Variants in NFIB observed in about 807,000 individuals in gnomAD.
The protein encoded by NFIB is nuclear factor 1 B-type.
Under a neutral mutation model 61.5 loss-of-function variants are expected in NFIB, and 11 were observed. That is an observed-to-expected ratio of 0.18 (90% CI 0.11 to 0.30). NFIB has a LOEUF of 0.30. Among genes scored for constraint, NFIB ranks in the 10% least tolerant of loss-of-function variants. The pLI, the probability that NFIB is intolerant of heterozygous loss-of-function variation, is 1.00. For missense variants in NFIB, 471 were observed against 608.9 expected (o/e 0.77, Z 2.38); for synonymous variants, 260 against 216.5 (o/e 1.20, Z -1.76).
At chr9:14,207,415 T>A (rs2049854767) in intron 2 of NFIB, among the ~76,000 whole-genome samples, 1 of 152,230 alleles carries the variant, frequency 6.6e-6, no homozygotes, top group Non-Finnish European at 1.5e-5. Flanking sequence ...GGCCACTGAC[T>A]GTGGGGAGTT....
intron 1 of NFIB, among the ~76,000 whole-genome samples, chr9:14,349,196 G>T (rs940898881): frequency 6.6e-6 from 1 of 152,220 alleles, no homozygotes; most frequent in Non-Finnish European, 1.5e-5. Context: ...TTTGTAGCCT[G>T]TTGGGAGAAT....
At chr9:14,127,932 C>CA (rs201442988) in intron 6 of NFIB, among the ~76,000 whole-genome samples, 17,327 of 86,684 alleles carry the variant, frequency 0.2, 1,279 homozygotes, top group Non-Finnish European at 0.28. Flanking sequence ...ATATCTTTTT[C>CA]AAAAAAAAAA....
the NFIB span, among the ~76,000 whole-genome samples, chr9:14,440,025 G>T: frequency 6.6e-6 from 1 of 152,176 alleles, no homozygotes; most frequent in Admixed American, 6.5e-5. Context: ...CTTCCTCAAA[G>T]CCCTCCTCTG....
chr9:14,514,056 A>G, the NFIB span, among the ~76,000 whole-genome samples: 1 of 152,176 alleles, frequency 6.6e-6, no homozygotes, highest in Non-Finnish European at 1.5e-5. Flanking sequence ...GCTTTATTAC[A>G]TGGCAGCTAG....
the NFIB span, among the ~76,000 whole-genome samples, chr9:14,525,267 G>C: frequency 3.9e-5 from 6 of 152,108 alleles, no homozygotes; most frequent in Non-Finnish European, 7.4e-5. Flanking sequence ...ACCTTACCAT[G>C]GTCACCAATA....
At chr9:14,243,935 T>C (rs1314221587) in intron 2 of NFIB, among the ~76,000 whole-genome samples, 1 of 152,246 alleles carries the variant, frequency 6.6e-6, no homozygotes, top group Non-Finnish European at 1.5e-5. Flanking sequence ...AGAATTAAAC[T>C]GTCTGGTTTC....
chr9:14,186,449 G>C (rs1188271757), intron 2 of NFIB, among the ~76,000 whole-genome samples: 1 of 151,946 alleles, frequency 6.6e-6, no homozygotes, highest in African/African-American at 2.4e-5. Flanking sequence ...TAATAAAACA[G>C]TATATTTTTA....
chr9:14,321,801 A>G, intron 1 of NFIB: 1 of 1,056,048 alleles, frequency 9.5e-7, no homozygotes, highest in Non-Finnish European at 1.2e-6. Flanking sequence ...CCTGTAAAAC[A>G]AAAATGACAT....
chr9:14,519,532 T>A, the NFIB span, among the ~76,000 whole-genome samples: 33 of 152,058 alleles, frequency 2.2e-4, no homozygotes, highest in South Asian at 6.5e-3. Flanking sequence ...TGGCGGGGGG[T>A]TGGGAGGCAG....
chr9:14,318,201 GA>G (rs373611444), upstream of NFIB, among the ~76,000 whole-genome samples: 251 of 148,190 alleles, frequency 1.7e-3, 3 homozygotes, highest in East Asian at 0.032. Flanking sequence ...CCTTATAAGG[GA>G]AAAAAAAAAG....
the NFIB span, among the ~76,000 whole-genome samples, chr9:14,502,819 T>G: frequency 6.6e-6 from 1 of 152,160 alleles, no homozygotes; most frequent in Non-Finnish European, 1.5e-5. Flanking sequence ...TCTGAGATTT[T>G]GGTACACCCA....
At chr9:14,320,868 T>G (rs1361617940) in intron 1 of NFIB, among the ~76,000 whole-genome samples, 3 of 152,138 alleles carry the variant, frequency 2.0e-5, no homozygotes, top group Non-Finnish European at 4.4e-5. Context: ...TGCTATAAGA[T>G]CCGTTCAAAG....
intron 2 of NFIB, among the ~76,000 whole-genome samples, chr9:14,250,871 T>C (rs146857812): frequency 1.3e-3 from 192 of 152,340 alleles, no homozygotes; most frequent in African/African-American, 4.2e-3. Flanking sequence ...TCTGGACTTA[T>C]GACATTTGAG....
chr9:14,254,028 A>G (rs1490057071), intron 2 of NFIB, among the ~76,000 whole-genome samples: 1 of 152,172 alleles, frequency 6.6e-6, no homozygotes, highest in Non-Finnish European at 1.5e-5. Context: ...CAGGCCAGTC[A>G]TGGTAGCTCA....
At chr9:14,251,022 G>C (rs1477589635) in intron 2 of NFIB, among the ~76,000 whole-genome samples, 1 of 152,184 alleles carries the variant, frequency 6.6e-6, no homozygotes, top group East Asian at 1.9e-4. Context: ...GTCTATTCCT[G>C]AAGTATGATC....
intron 6 of NFIB, 50 bp downstream of exon 6, chr9:14,146,639 C>T (rs369073136): frequency 4.2e-5 from 68 of 1,611,262 alleles, no homozygotes; most frequent in Middle Eastern, 3.3e-4. Flanking sequence ...ACTTAAGAAA[C>T]GAGCCAACAT....
At chr9:14,349,234 G>T (rs2061075043) in intron 1 of NFIB, among the ~76,000 whole-genome samples, 1 of 152,198 alleles carries the variant, frequency 6.6e-6, no homozygotes, top group African/African-American at 2.4e-5. Context: ...GTGGGGGTTT[G>T]GTCTCGCATG....
At position 14,307,822 on chromosome 9, in the gene NFIB, G is replaced by A. The variant is rs1563996499; in HGVS notation, c.31-302C>T. Reference sequence around the variant, plus strand: ...CCCCTTGTTTCCACCCCAATGCCATGCATTCTACATTCTTTAAAATATAGG... The same window carrying A: ...CCCCTTGTTTCCACCCCAATGCCATACATTCTACATTCTTTAAAATATAGG... On this transcript the variant is annotated intron_variant, in intron 1 of 10. Transcript: ENST00000380953. This position sits in a 1 kb window ranked among gnomAD's most constrained non-coding sequence, Gnocchi z 5.3. 8.5e-6 allele frequency: 2 copies of A among 236,270 alleles called. No individual in the cohort carries two copies. Among genetic ancestry groups the A allele is most frequent in the South Asian group, 2.0e-4 (2 of 10,034 alleles). The allele number at this position is 236,270 out of a possible 1,614,324, so 14.6% of individuals were successfully genotyped here.
the NFIB span, among the ~76,000 whole-genome samples, chr9:14,458,614 G>A: frequency 0.043 from 6,594 of 152,180 alleles, 164 homozygotes; most frequent in Non-Finnish European, 0.054. Flanking sequence ...ATATCTAGAA[G>A]ACCCCATCGT....
Sources: gnomAD v4.1 joint callset for allele counts (sites outside exome capture counted in the v4.1 genomes callset) on GRCh38, gnomAD v4.1.1 for gene constraint, Gnocchi (gnomAD v3.1) non-coding constraint, MANE v1.5 for transcripts, NCBI Gene and HGNC (gene_info 2026-07-23, HGNC 2026-07-21) for gene names.